The following PTPRT variants were observed in gnomAD, a reference collection of about 807,000 sequenced individuals.
PTPRT encodes the protein receptor-type tyrosine-protein phosphatase T.
PTPRT carries 56 observed loss-of-function variants against 176.8 expected under a neutral mutation model. That is an observed-to-expected ratio of 0.32 (90% CI 0.26 to 0.40). PTPRT has a LOEUF of 0.40. Ranked by LOEUF, PTPRT falls within the 10% of genes least tolerant of loss-of-function variation. The pLI is 1.00. For missense variants in PTPRT, 1,540 were observed against 1,908.2 expected (o/e 0.81, Z 3.60); for synonymous variants, 783 against 739.0 (o/e 1.06, Z -0.96).
intron 6 of PTPRT, among the ~76,000 whole-genome samples, chr20:42,700,820 ATCT>A (rs1241075171): frequency 2.6e-5 from 4 of 152,064 alleles, no homozygotes; most frequent in Admixed American, 2.6e-4. Context: ...ATAACTGGAG[ATCT>A]TATTTTTTAG....
chr20:43,129,161 C>T (rs2013556916), intron 1 of PTPRT, among the ~76,000 whole-genome samples: 1 of 152,110 alleles, frequency 6.6e-6, no homozygotes, highest in African/African-American at 2.4e-5. Context: ...CTGACTCTGC[C>T]CAAGGGGGTG....
At chr20:42,839,927 G>C (rs1001393555) in intron 2 of PTPRT, among the ~76,000 whole-genome samples, 10 of 152,172 alleles carry the variant, frequency 6.6e-5, no homozygotes, top group African/African-American at 1.4e-4. Flanking sequence ...CAAACCCCAG[G>C]AGATCCCAAC....
intron 1 of PTPRT, among the ~76,000 whole-genome samples, chr20:43,053,818 C>T (rs1987137114): frequency 6.6e-6 from 1 of 152,128 alleles, no homozygotes; most frequent in South Asian, 2.1e-4. Flanking sequence ...ACCAAGCCTG[C>T]CTTGCACATT....
intron 9 of PTPRT, among the ~76,000 whole-genome samples, chr20:42,402,096 CAGAGAAT>C (rs1373302802): frequency 1.3e-5 from 2 of 151,978 alleles, no homozygotes; most frequent in Non-Finnish European, 2.9e-5. Flanking sequence ...AGGAGGGGAG[CAGAGAAT>C]AGAGAAAAGT....
intron 5 of PTPRT, among the ~76,000 whole-genome samples, chr20:42,767,099 C>T (rs1199406386): frequency 6.6e-6 from 1 of 152,208 alleles, no homozygotes; most frequent in Admixed American, 6.5e-5. Context: ...TGGATGGTGG[C>T]TGCGATCCTC....
At position 42,093,575 on chromosome 20, in the gene PTPRT, C is replaced by T. The variant is rs151013467; in HGVS notation, c.3846+4846G>A. On this transcript the variant is annotated intron_variant, in intron 27 of 30. Transcript: ENST00000373187. ...AAGGCCCTGTGAGAGCTTACACCCT[C>T]TTCTTATTTTGCTGCAGCTTACAGG... Among the ~76,000 whole-genome samples, 13 of 152,328 alleles carry T rather than the reference C, an allele frequency of 8.5e-5. No homozygotes were observed. The East Asian group carries it at 2.5e-3, about 29-fold the overall frequency.
At chr20:42,585,338 A>T (rs1192772718) in intron 7 of PTPRT, among the ~76,000 whole-genome samples, 1 of 152,210 alleles carries the variant, frequency 6.6e-6, no homozygotes, top group Non-Finnish European at 1.5e-5. Context: ...TCCTCTGAGA[A>T]GTCTGTCTCT....
At chr20:42,291,720 G>A (rs1438051207) in intron 12 of PTPRT, among the ~76,000 whole-genome samples, 1 of 152,100 alleles carries the variant, frequency 6.6e-6, no homozygotes, top group Non-Finnish European at 1.5e-5. Flanking sequence ...GCATGGTGCT[G>A]TTGAAGACAT....
chr20:43,088,029 G>T (rs2011672283), intron 1 of PTPRT, among the ~76,000 whole-genome samples: 1 of 149,926 alleles, frequency 6.7e-6, no homozygotes, highest in Non-Finnish European at 1.5e-5. Context: ...TTAGAAGGAG[G>T]ATACGGAACA....
At chr20:42,335,741 T>G (rs2058031146) in intron 11 of PTPRT, among the ~76,000 whole-genome samples, 1 of 152,150 alleles carries the variant, frequency 6.6e-6, no homozygotes, top group Non-Finnish European at 1.5e-5. Context: ...AAACCTAAAA[T>G]GATGGAGTTC....
chr20:43,025,822 G>A (rs1985886295), intron 1 of PTPRT, among the ~76,000 whole-genome samples: 1 of 152,154 alleles, frequency 6.6e-6, no homozygotes, highest in Non-Finnish European at 1.5e-5. Context: ...CATCCCCAGA[G>A]CTTCAGTATT....
At chr20:42,337,797 G>T (rs533751538) in intron 11 of PTPRT, among the ~76,000 whole-genome samples, 1 of 152,314 alleles carries the variant, frequency 6.6e-6, no homozygotes, top group South Asian at 2.1e-4. Flanking sequence ...CAAAATACCA[G>T]CTTGGAAAAT....
intron 9 of PTPRT, among the ~76,000 whole-genome samples, chr20:42,437,457 C>A (rs976805170): frequency 2.0e-5 from 3 of 152,136 alleles, no homozygotes; most frequent in African/African-American, 7.2e-5. Flanking sequence ...ATTTGACGTG[C>A]AGCGATACAC....
intron 9 of PTPRT, among the ~76,000 whole-genome samples, chr20:42,440,498 GAC>G (rs1350029247): frequency 2.8e-5 from 4 of 143,024 alleles, no homozygotes; most frequent in African/African-American, 1.1e-4. Flanking sequence ...TTTTTTTTTA[GAC>G]AGAGTCTCGC....
At chr20:43,126,815 A>G (rs1395542036) in intron 1 of PTPRT, among the ~76,000 whole-genome samples, 1 of 152,196 alleles carries the variant, frequency 6.6e-6, no homozygotes, top group African/African-American at 2.4e-5. Context: ...GAAGAGCAGG[A>G]ACACTGCACA....
intron 1 of PTPRT, among the ~76,000 whole-genome samples, chr20:43,006,823 AC>A (rs778689274): frequency 2.6e-5 from 4 of 152,208 alleles, no homozygotes; most frequent in Non-Finnish European, 1.5e-5. Context: ...GAAGTCTAGC[AC>A]TTGGGCACAT....
chr20:42,431,548 A>G (rs1279424718), intron 9 of PTPRT, among the ~76,000 whole-genome samples: 1 of 152,244 alleles, frequency 6.6e-6, no homozygotes, highest in African/African-American at 2.4e-5. Flanking sequence ...AGATGTGTGC[A>G]TATTAACAAA....
At chr20:43,075,212 G>GA (rs2011244257) in intron 1 of PTPRT, among the ~76,000 whole-genome samples, 1 of 152,228 alleles carries the variant, frequency 6.6e-6, no homozygotes, top group African/African-American at 2.4e-5. Flanking sequence ...GATTTCTCAC[G>GA]AAAGTGTTGA....
At chr20:42,152,573 A>G (rs1372647260) in intron 17 of PTPRT, among the ~76,000 whole-genome samples, 1 of 152,230 alleles carries the variant, frequency 6.6e-6, no homozygotes, top group Admixed American at 6.5e-5. Flanking sequence ...TTAGGTGACA[A>G]ATTCCCTGCC....
Sources: allele counts gnomAD v4.1 joint callset (sites outside exome capture counted in the v4.1 genomes callset), GRCh38; gene constraint gnomAD v4.1.1; transcripts MANE v1.5; gene names NCBI Gene and HGNC (gene_info 2026-07-23, HGNC 2026-07-21).